SSH1: variants seen among roughly 807,000 people sequenced by gnomAD.
SSH1 encodes protein phosphatase Slingshot homolog 1.
SSH1 carries 43 observed loss-of-function variants against 79.7 expected under a neutral mutation model. The ratio of observed to expected loss-of-function variants is 0.54; its 90% confidence interval spans 0.42 to 0.70. SSH1 has a LOEUF of 0.70. Among genes scored for constraint, SSH1 ranks in the 30% least tolerant of loss-of-function variants. The pLI, the probability that SSH1 is intolerant of heterozygous loss-of-function variation, is 0.00. For missense variants in SSH1, 1,206 were observed against 1,358.8 expected, an observed-to-expected ratio of 0.89 and a Z score of 1.77; for synonymous variants, 599 against 538.3, an observed-to-expected ratio of 1.11 and a Z score of -1.56.
intron 14 of SSH1, among the ~76,000 whole-genome samples, chr12:108,789,861 C>G (rs1331369420): frequency 6.6e-6 from 1 of 152,160 alleles, no homozygotes; most frequent in African/African-American, 2.4e-5. Context: ...CTGTCTCTCT[C>G]TCTTTCAAAC....
intron 1 of SSH1, among the ~76,000 whole-genome samples, chr12:108,854,131 G>A (rs889969177): frequency 5.9e-5 from 9 of 152,176 alleles, no homozygotes; most frequent in Admixed American, 6.5e-5. Flanking sequence ...TTCTCAATGC[G>A]GAGCAAGTTC....
intron 13 of SSH1, among the ~76,000 whole-genome samples, chr12:108,795,900 C>A (rs934524035): frequency 1.1e-4 from 17 of 151,958 alleles, no homozygotes; most frequent in Non-Finnish European, 1.9e-4. Flanking sequence ...TATATTTAAA[C>A]AATTTTTATT....
chr12:108,832,697 C>T (rs773506928), intron 2 of SSH1, among the ~76,000 whole-genome samples: 2 of 152,284 alleles, frequency 1.3e-5, no homozygotes, highest in Non-Finnish European at 1.5e-5. Context: ...ATTTGGAACT[C>T]GTGTTTAAAA....
intron 1 of SSH1, chr12:108,853,152 G>A (rs979099321): frequency 1.0e-6 from 1 of 985,260 alleles, no homozygotes; most frequent in Non-Finnish European, 1.2e-6. Context: ...AGTGGAAGGT[G>A]GCCAGGAATC....
At chr12:108,827,596 A>G (rs1428021386) in intron 2 of SSH1, 1 of 1,241,024 alleles carries the variant, frequency 8.1e-7, no homozygotes, top group East Asian at 3.1e-5. Flanking sequence ...CCATTCAGCA[A>G]AACAGCTGAG....
intron 11 of SSH1, among the ~76,000 whole-genome samples, chr12:108,801,289 A>C (rs145438808): frequency 6.6e-6 from 1 of 152,228 alleles, no homozygotes; most frequent in Non-Finnish European, 1.5e-5. Flanking sequence ...TTCACTCTTA[A>C]AGAGCTAAAA....
intron 14 of SSH1, 34 bp downstream of exon 14, chr12:108,792,252 G>C (rs752493265): frequency 6.2e-7 from 1 of 1,614,148 alleles, no homozygotes; most frequent in African/African-American, 1.3e-5. Context: ...GGAAGGGATG[G>C]GGTGTGCCAC....
rs1037481283 is a variant in SSH1, at chr12:108,783,408, G to A, written c.*4580C>T. 2.0e-5 allele frequency: 3 copies of A among 152,322 alleles called. No homozygotes were observed. Among genetic ancestry groups the A allele is most frequent in the South Asian group, 4.1e-4 (2 of 4,830 alleles). The allele number at this position is 152,322 out of a possible 1,614,324, so 9.4% of individuals were successfully genotyped here. A position where few individuals can be genotyped will look rare whatever the true frequency, so the allele number is the denominator to read the frequency against. On this transcript the variant is annotated 3_prime_UTR_variant, in exon 15 of 15. Transcript: ENST00000326495. The stretch of plus-strand genomic sequence containing the variant: ...TTTAACAGTTTTGCATAAATACATA[G>A]TATTTGTAAACTATTATTAAGGCAC...
At chr12:108,852,566 G>A in intron 2 of SSH1, 72 bp downstream of exon 2, 5 of 1,581,542 alleles carry the variant, frequency 3.2e-6, no homozygotes, top group Non-Finnish European at 4.3e-6. Context: ...TTTTCCCTTT[G>A]GGAGAGGAAC....
intron 6 of SSH1, among the ~76,000 whole-genome samples, chr12:108,810,136 A>G (rs1042372938): frequency 2.6e-5 from 4 of 152,054 alleles, no homozygotes; most frequent in Non-Finnish European, 5.9e-5. Context: ...AACTATATTC[A>G]TAGGATTGCA....
rs1483816886 is a variant in SSH1, at chr12:108,784,442, A to C, written c.*3546T>G. On this transcript the variant is annotated 3_prime_UTR_variant, in exon 15 of 15. Coordinates refer to ENST00000326495, the MANE Select transcript of SSH1 (RefSeq NM_018984.4). ...CTTAAGCAACAGGGTGCCAAGGAGA[A>C]GGGCTTGCCACCCAGCAGAGAGCTA... The C allele has an allele frequency of 6.6e-6, 1 of 152,284 alleles. No individual in the cohort carries two copies. Among genetic ancestry groups the C allele is most frequent in the African/African-American group, 2.4e-5 (1 of 41,454 alleles). 9.4% of individuals were successfully genotyped at this position (152,284 alleles called of 1,614,324 possible).
chr12:108,827,178 C>A (rs1475431056), intron 2 of SSH1: 6 of 1,366,576 alleles, frequency 4.4e-6, no homozygotes, highest in Non-Finnish European at 5.9e-6. Context: ...CTCAAAAAAC[C>A]CCAGGCCCCC....
chr12:108,808,389 A>G (rs1329681054), intron 7 of SSH1, among the ~76,000 whole-genome samples: 1 of 152,226 alleles, frequency 6.6e-6, no homozygotes, highest in East Asian at 1.9e-4. Flanking sequence ...AGTGGCCAGA[A>G]CACCCCACAT....
chr12:108,853,000 T>C (rs1272929041), intron 1 of SSH1: 6 of 985,242 alleles, frequency 6.1e-6, no homozygotes, highest in Non-Finnish European at 7.2e-6. Context: ...CTTTCCGAGG[T>C]TGTTCTGGAC....
intron 11 of SSH1, among the ~76,000 whole-genome samples, chr12:108,802,104 G>A (rs901138416): frequency 2.0e-5 from 3 of 152,178 alleles, no homozygotes; most frequent in African/African-American, 4.8e-5. Flanking sequence ...ACACGATCAC[G>A]CGAGACTTCG....
rs780397447 is a variant in SSH1, at chr12:108,807,611, A to G, written c.731+22T>C. 53 of 1,610,826 alleles carry G rather than the reference A, an allele frequency of 3.3e-5. No homozygotes were observed. The South Asian group carries it at 5.7e-4, about 17-fold the overall frequency. On this transcript the variant is annotated intron_variant, in intron 8 of 14. Transcript: ENST00000326495. This position sits in a 1 kb window ranked among gnomAD's most constrained non-coding sequence, Gnocchi z 5.2. ...GGTGCCTGTGGGCTTGGGTGCGCTC[A>G]CACCAGAGGCACCTCACTTACTTGT...
chr12:108,833,036 A>C (rs1389496629), intron 2 of SSH1, among the ~76,000 whole-genome samples: 1 of 152,172 alleles, frequency 6.6e-6, no homozygotes, highest in Non-Finnish European at 1.5e-5. Context: ...GAGAGAAGGA[A>C]TGTCCAAAAG....
chr12:108,814,272 C>T (rs1202012810), intron 5 of SSH1, among the ~76,000 whole-genome samples: 1 of 151,894 alleles, frequency 6.6e-6, no homozygotes, highest in Non-Finnish European at 1.5e-5. Flanking sequence ...CTGCAGGAGC[C>T]GCCATTCCAA....
intron 2 of SSH1, chr12:108,825,977 T>A: frequency 2.6e-6 from 1 of 382,380 alleles, no homozygotes; most frequent in South Asian, 2.0e-5. Context: ...GAAACAGCTA[T>A]GCGAGAGGTT....
Sources: gnomAD v4.1 joint callset for allele counts (sites outside exome capture counted in the v4.1 genomes callset) on GRCh38, gnomAD v4.1.1 for gene constraint, Gnocchi (gnomAD v3.1) non-coding constraint, MANE v1.5 for transcripts, NCBI Gene and HGNC (gene_info 2026-07-23, HGNC 2026-07-21) for gene names.